Variants in EIF2B3 observed in about 807,000 individuals in gnomAD.
EIF2B3 encodes translation initiation factor eIF2B subunit gamma.
EIF2B3 carries 20 observed loss-of-function variants against 54.1 expected under a neutral mutation model. The ratio of observed to expected loss-of-function variants is 0.37; its 90% confidence interval spans 0.26 to 0.54. The LOEUF (loss-of-function observed/expected upper bound fraction) is 0.54, where lower values mean the gene tolerates loss of function less well. Ranked by LOEUF, EIF2B3 falls within the 20% of genes least tolerant of loss-of-function variation. The pLI, the probability that EIF2B3 is intolerant of heterozygous loss-of-function variation, is 0.86. For synonymous variants in EIF2B3, 153 were observed against 188.1 expected (o/e 0.81, Z 1.52); for missense variants, 448 against 547.8 (o/e 0.82, Z 1.82).
chr1:44,855,019 C>A (rs1055467990), intron 11 of EIF2B3, among the ~76,000 whole-genome samples: 2 of 150,942 alleles, frequency 1.3e-5, no homozygotes, highest in Non-Finnish European at 2.9e-5. Context: ...TTGCCTAGGT[C>A]ACCTATAGTA....
At chr1:44,930,777 A>G (rs984761108) in intron 4 of EIF2B3, among the ~76,000 whole-genome samples, 6 of 152,160 alleles carry the variant, frequency 3.9e-5, no homozygotes, top group Non-Finnish European at 8.8e-5. Context: ...AGTAGCTGGG[A>G]CCACAGGCAT....
chr1:44,901,944 T>G (rs925270214), intron 5 of EIF2B3, among the ~76,000 whole-genome samples: 4 of 152,202 alleles, frequency 2.6e-5, no homozygotes, highest in African/African-American at 9.7e-5. Flanking sequence ...GTTTTAGCTC[T>G]CATGTTAGGT....
At chr1:44,951,269 G>C (rs1348201253) in intron 3 of EIF2B3, among the ~76,000 whole-genome samples, 1 of 152,044 alleles carries the variant, frequency 6.6e-6, no homozygotes, top group Non-Finnish European at 1.5e-5. Context: ...AGGCATTATA[G>C]AGATACAGCA....
chr1:44,949,834 G>A (rs1040805544), intron 3 of EIF2B3, among the ~76,000 whole-genome samples: 7 of 152,178 alleles, frequency 4.6e-5, no homozygotes, highest in Non-Finnish European at 8.8e-5. Flanking sequence ...CGTCCTCCAA[G>A]GAAATTTTCC....
At chr1:44,852,779 C>CAAA (rs35073051) in intron 11 of EIF2B3, among the ~76,000 whole-genome samples, 3 of 111,932 alleles carry the variant, frequency 2.7e-5, no homozygotes, top group Non-Finnish European at 3.9e-5. Context: ...AACTCTGTCT[C>CAAA]AAAAAAAAAA....
Position 44,880,628 on chromosome 1 carries a change from A to T in EIF2B3, c.785-620T>A, listed in dbSNP as rs547907636. On this transcript the variant is annotated intron_variant, in intron 7 of 11. Transcript: ENST00000360403. ...ATCCTTTGAGATCTTTTACTTTCTC[A>T]TAAAAAAACTGGGGCTCAGAGGACT... 1.7e-4 allele frequency among the ~76,000 whole-genome samples: 26 copies of T among 152,312 alleles called. No individual in the cohort carries two copies. In the South Asian group the frequency reaches 5.0e-3, roughly 29 times the overall value.
intron 3 of EIF2B3, chr1:44,958,693 C>T: frequency 1.9e-6 from 3 of 1,597,636 alleles, no homozygotes; most frequent in Non-Finnish European, 2.6e-6. Context: ...CGCTCACCAG[C>T]TATCTGTGCT....
chr1:44,937,799 C>T (rs368704921), intron 4 of EIF2B3, among the ~76,000 whole-genome samples: 2 of 145,144 alleles, frequency 1.4e-5, no homozygotes, highest in East Asian at 2.1e-4. Flanking sequence ...CAGGAGAATG[C>T]CGTGAACCCG....
At chr1:44,918,073 T>A (rs1331649859) in intron 5 of EIF2B3, among the ~76,000 whole-genome samples, 6 of 73,532 alleles carry the variant, frequency 8.2e-5, no homozygotes, top group Non-Finnish European at 1.4e-4. Context: ...GTGCCCAGCC[T>A]TTTTTTTTTT....
intron 10 of EIF2B3, 141 bp from the exon 11 acceptor site, chr1:44,857,948 T>C: frequency 1.3e-6 from 1 of 764,554 alleles, no homozygotes; most frequent in Non-Finnish European, 2.3e-6. Context: ...AAGTTATCAG[T>C]GGAAGACAGA....
Position 44,960,284 on chromosome 1 carries a change from A to T in EIF2B3, c.294+18031T>A, listed in dbSNP as rs747062965. On this transcript the variant is annotated intron_variant, in intron 3 of 11. Coordinates refer to ENST00000360403, the MANE Select transcript of EIF2B3 (RefSeq NM_020365.5). ...GCCAACCATATATCAAAAATATTCGAGAAAAAATAAAAATAATAATATAAC... is the reference window on the plus strand; with the variant it reads ...GCCAACCATATATCAAAAATATTCGTGAAAAAATAAAAATAATAATATAAC... Among the ~76,000 whole-genome samples, 144 of 152,276 alleles carry T rather than the reference A, an allele frequency of 9.5e-4. 1 individual carries two copies. The highest frequency in any genetic ancestry group is 4.6e-4 in the Non-Finnish European group (31 of 68,022).
intron 3 of EIF2B3, among the ~76,000 whole-genome samples, chr1:44,967,779 C>T (rs1172076917): frequency 6.7e-6 from 1 of 149,894 alleles, no homozygotes; most frequent in African/African-American, 2.5e-5. Flanking sequence ...CGGTGTCACG[C>T]CTGTAATCCC....
intron 3 of EIF2B3, among the ~76,000 whole-genome samples, chr1:44,960,401 A>G (rs1302192480): frequency 6.6e-6 from 1 of 152,210 alleles, no homozygotes; most frequent in African/African-American, 2.4e-5. Context: ...GCACTTTGGG[A>G]GGCCGAGGCA....
chr1:44,903,206 A>C (rs1357925469), intron 5 of EIF2B3, among the ~76,000 whole-genome samples: 1 of 152,232 alleles, frequency 6.6e-6, no homozygotes. Flanking sequence ...GCAGTTCTGA[A>C]AGGCAGCCTT....
chr1:44,939,539 G>T (rs533174406), intron 4 of EIF2B3, among the ~76,000 whole-genome samples: 1 of 152,234 alleles, frequency 6.6e-6, no homozygotes, highest in East Asian at 1.9e-4. Context: ...CATGAAAAAT[G>T]TTAAGTATTT....
In EIF2B3 at chr1:44,978,470, A is replaced by G; in HGVS notation, c.149-10T>C. 8 of 1,610,230 alleles carry G rather than the reference A, an allele frequency of 5.0e-6. No homozygotes were observed. Among genetic ancestry groups the G allele is most frequent in the Non-Finnish European group, 6.8e-6 (8 of 1,179,768 alleles). On this transcript the variant is annotated splice_polypyrimidine_tract_variant and intron_variant, in intron 2 of 11. Transcript: ENST00000360403. Reference sequence around the variant, plus strand: ...GTAACCACAATGACTTCTATAGGACAAAAGAAAAAAAGAAAGAAAAACAAA... The same window carrying G: ...GTAACCACAATGACTTCTATAGGACGAAAGAAAAAAAGAAAGAAAAACAAA...
At chr1:44,955,111 T>G (rs944945849) in intron 3 of EIF2B3, among the ~76,000 whole-genome samples, 2 of 152,128 alleles carry the variant, frequency 1.3e-5, no homozygotes, top group Non-Finnish European at 2.9e-5. Context: ...GCTACCTGAC[T>G]TCAAACTATA....
chr1:44,867,607 T>G (rs1193514661), intron 10 of EIF2B3, among the ~76,000 whole-genome samples: 1 of 152,060 alleles, frequency 6.6e-6, no homozygotes, highest in East Asian at 1.9e-4. Context: ...GGTAATCAAG[T>G]CTCACTTGAC....
At chr1:44,967,948 G>A (rs930038959) in intron 3 of EIF2B3, among the ~76,000 whole-genome samples, 1 of 152,104 alleles carries the variant, frequency 6.6e-6, no homozygotes, top group Non-Finnish European at 1.5e-5. Flanking sequence ...TGAGACAGGA[G>A]AATCGCTTGA....
Sources: allele counts gnomAD v4.1 joint callset (sites outside exome capture counted in the v4.1 genomes callset), GRCh38; gene constraint gnomAD v4.1.1; transcripts MANE v1.5; gene names NCBI Gene and HGNC (gene_info 2026-07-23, HGNC 2026-07-21).